Variants in BMPR1A observed in about 807,000 individuals in gnomAD.
BMPR1A encodes the protein bone morphogenetic protein receptor type 1A.
A neutral mutation model predicts 66.0 loss-of-function variants in BMPR1A; 7 were observed. The observed-to-expected ratio is 0.11, with a 90% CI of 0.06 to 0.20. The LOEUF is 0.20. Ranked by LOEUF, BMPR1A falls within the 10% of genes least tolerant of loss-of-function variation. The pLI is 1.00. For missense variants in BMPR1A, 408 were observed against 669.1 expected, an observed-to-expected ratio of 0.61 and a Z score of 4.31; for synonymous variants, 200 against 229.7, an observed-to-expected ratio of 0.87 and a Z score of 1.17.
intron 1 of BMPR1A, among the ~76,000 whole-genome samples, chr10:86,808,021 C>G (rs752219377): frequency 6.6e-6 from 1 of 152,290 alleles, no homozygotes; most frequent in East Asian, 1.9e-4. Context: ...CCCACCTCAG[C>G]AGAACTCATT....
downstream of BMPR1A, chr10:86,931,606 C>T (rs1418039828): frequency 6.6e-6 from 1 of 152,030 alleles, no homozygotes; most frequent in Non-Finnish European, 1.5e-5. Context: ...AGATGATACT[C>T]CATGATCTTC....
intron 2 of BMPR1A, among the ~76,000 whole-genome samples, chr10:86,845,573 G>A (rs978716184): frequency 6.6e-5 from 10 of 152,182 alleles, no homozygotes; most frequent in South Asian, 4.1e-4. Context: ...GCCACAGTGC[G>A]GAGAGGGGTG....
intron 1 of BMPR1A, among the ~76,000 whole-genome samples, chr10:86,800,425 G>C (rs546377366): frequency 6.6e-6 from 1 of 152,070 alleles, no homozygotes; most frequent in East Asian, 1.9e-4. Flanking sequence ...ACGGAGTTTC[G>C]CTCTTGTTGC....
intron 2 of BMPR1A, among the ~76,000 whole-genome samples, chr10:86,857,704 G>T (rs376816131): frequency 1.4e-5 from 2 of 148,126 alleles, no homozygotes; most frequent in African/African-American, 5.0e-5. Flanking sequence ...CCATAGGCTC[G>T]AGTATCCTCA....
At chr10:86,896,256 T>C in intron 5 of BMPR1A, among the ~76,000 whole-genome samples, 1 of 151,370 alleles carries the variant, frequency 6.6e-6, no homozygotes, top group Non-Finnish European at 1.5e-5. Context: ...TCCACTCTAG[T>C]GTGCGGAGTG....
chr10:86,789,122 A>G (rs972948658), intron 1 of BMPR1A, among the ~76,000 whole-genome samples: 2 of 152,190 alleles, frequency 1.3e-5, no homozygotes, highest in Non-Finnish European at 2.9e-5. Context: ...CCTTTACCTC[A>G]TACCATAAAC....
intron 1 of BMPR1A, among the ~76,000 whole-genome samples, chr10:86,815,455 C>G (rs1462453505): frequency 6.6e-6 from 1 of 152,166 alleles, no homozygotes; most frequent in Non-Finnish European, 1.5e-5. Flanking sequence ...TTGTCCACTT[C>G]AACCCTTACG....
chr10:86,813,978 T>C (rs1770302671), intron 1 of BMPR1A, among the ~76,000 whole-genome samples: 1 of 152,236 alleles, frequency 6.6e-6, no homozygotes, highest in Admixed American at 6.5e-5. Context: ...TTGAGTATTT[T>C]ATTTTCTGGT....
Position 86,787,139 on chromosome 10 carries a change from T to C in BMPR1A, c.-268+30220T>C, listed in dbSNP as rs375651970. 5.3e-5 allele frequency among the ~76,000 whole-genome samples: 8 copies of C among 152,332 alleles called. No homozygotes were observed. The East Asian group carries it at 1.2e-3, about 22-fold the overall frequency. On this transcript the variant is annotated intron_variant, in intron 1 of 12. Coordinates refer to ENST00000372037, the MANE Select transcript of BMPR1A (RefSeq NM_004329.3). ...TGTTATATCAATTGAGAGCACACTC[T>C]TATAAAGTACAATCAATGATAATCA...
At chr10:86,792,939 A>T (rs1399997215) in intron 1 of BMPR1A, among the ~76,000 whole-genome samples, 1 of 152,166 alleles carries the variant, frequency 6.6e-6, no homozygotes, top group Non-Finnish European at 1.5e-5. Context: ...GGAGTAATTT[A>T]TTATTATGTC....
At chr10:86,796,693 C>G (rs1841716751) in intron 1 of BMPR1A, among the ~76,000 whole-genome samples, 1 of 151,928 alleles carries the variant, frequency 6.6e-6, no homozygotes, top group East Asian at 1.9e-4. Context: ...GCTTCCACCT[C>G]AGCCTCCCAA....
At chr10:86,834,451 A>G (rs1054770473) in intron 1 of BMPR1A, among the ~76,000 whole-genome samples, 25 of 152,244 alleles carry the variant, frequency 1.6e-4, no homozygotes, top group African/African-American at 5.5e-4. Context: ...GTAGTTTGAC[A>G]TAGATACAAG....
intron 1 of BMPR1A, among the ~76,000 whole-genome samples, chr10:86,763,455 A>G (rs536033463): frequency 1.3e-5 from 2 of 152,300 alleles, no homozygotes; most frequent in South Asian, 4.1e-4. Flanking sequence ...GAACTTTAAG[A>G]TAATTTTTCT....
chr10:86,932,053 T>TATACATCAATAGTATAAGGAAGTA (rs1843815244), downstream of BMPR1A: 1 of 152,232 alleles, frequency 6.6e-6, no homozygotes, highest in Non-Finnish European at 1.5e-5. Context: ...GGACTGCCAT[T>TATACATCAATAGTATAAGGAAGTA]TACCCTTCAC....
intron 7 of BMPR1A, among the ~76,000 whole-genome samples, chr10:86,901,696 C>CAA (rs1843312525): frequency 6.6e-6 from 1 of 152,152 alleles, no homozygotes; most frequent in South Asian, 2.1e-4. Context: ...CAAGTATGCT[C>CAA]AATCGGTTAT....
intron 1 of BMPR1A, among the ~76,000 whole-genome samples, chr10:86,759,423 TTTTTC>T (rs1840991488): frequency 6.6e-6 from 1 of 152,194 alleles, no homozygotes; most frequent in African/African-American, 2.4e-5. Context: ...TTTGTTTTGT[TTTTTC>T]TTTTTTATTC....
intron 1 of BMPR1A, among the ~76,000 whole-genome samples, chr10:86,821,803 TCCTC>T (rs1287090155): frequency 6.6e-6 from 1 of 151,864 alleles, no homozygotes; most frequent in Non-Finnish European, 1.5e-5. Flanking sequence ...CTCTTCTCCT[TCCTC>T]CCTCCTTTTG....
intron 3 of BMPR1A, among the ~76,000 whole-genome samples, chr10:86,883,203 C>T (rs1431923921): frequency 1.3e-5 from 2 of 151,902 alleles, no homozygotes; most frequent in East Asian, 3.9e-4. Context: ...GTATAAGACA[C>T]CTTGGCTGGG....
chr10:86,927,973 T>C (rs891364258), downstream of BMPR1A: 5 of 178,742 alleles, frequency 2.8e-5, no homozygotes, highest in Non-Finnish European at 4.8e-5. Context: ...TAGTATACTT[T>C]AGTGATGTGT....
Sources: gnomAD v4.1 joint callset for allele counts (sites outside exome capture counted in the v4.1 genomes callset) on GRCh38, gnomAD v4.1.1 for gene constraint, MANE v1.5 for transcripts, NCBI Gene and HGNC (gene_info 2026-07-23, HGNC 2026-07-21) for gene names.